The following PRIM2 variants were observed in gnomAD, a reference collection of about 807,000 sequenced individuals.
PRIM2 encodes the protein DNA primase subunit 2.
In PRIM2, 39 loss-of-function variants were observed where a neutral mutation model predicts 67.3. The observed-to-expected ratio is 0.58, with a 90% CI of 0.45 to 0.76. PRIM2 has a LOEUF of 0.76. Among genes scored for constraint, PRIM2 ranks in the 30% least tolerant of loss-of-function variants. PRIM2 has a pLI of 0.00. For missense variants in PRIM2, 398 were observed against 598.7 expected (o/e 0.66, Z 3.50); for synonymous variants, 143 against 198.7 (o/e 0.72, Z 2.36).
chr6:57,645,368 C>CAT, intron 13 of PRIM2, among the ~76,000 whole-genome samples: 1 of 127,134 alleles, frequency 7.9e-6, no homozygotes, highest in South Asian at 2.4e-4. Flanking sequence ...CACACACACA[C>CAT]ACATTTGTAT....
intron 5 of PRIM2, chr6:57,326,274 C>G (rs1581792297): frequency 5.2e-6 from 2 of 381,178 alleles, no homozygotes; most frequent in Non-Finnish European, 4.5e-6. Context: ...TAAATGTGTG[C>G]TTTATTAAAG....
At chr6:57,383,380 G>A (rs537709635) in intron 7 of PRIM2, 1 of 152,038 alleles carries the variant, frequency 6.6e-6, no homozygotes, top group Non-Finnish European at 1.5e-5. Flanking sequence ...TTAAATGCTG[G>A]TGGTGGACCC....
chr6:57,442,357 C>T (rs1272282902), intron 7 of PRIM2, among the ~76,000 whole-genome samples: 1 of 152,008 alleles, frequency 6.6e-6, no homozygotes, highest in East Asian at 1.9e-4. Flanking sequence ...AGACACAGCT[C>T]ATGGCACAGG....
intron 10 of PRIM2, among the ~76,000 whole-genome samples, chr6:57,541,258 T>C (rs1775144922): frequency 6.6e-6 from 1 of 152,152 alleles, no homozygotes; most frequent in African/African-American, 2.4e-5. Flanking sequence ...TCTTTCTCTT[T>C]TTGTATTTTT....
At chr6:57,353,390 T>C (rs1458143679) in intron 5 of PRIM2, among the ~76,000 whole-genome samples, 2 of 152,222 alleles carry the variant, frequency 1.3e-5, no homozygotes, top group Non-Finnish European at 2.9e-5. Context: ...TTGCAATTTG[T>C]GTTTAGAAAG....
At chr6:57,323,842 G>A (rs1386217727) in intron 3 of PRIM2, among the ~76,000 whole-genome samples, 2 of 152,016 alleles carry the variant, frequency 1.3e-5, no homozygotes, top group East Asian at 3.9e-4. Context: ...TGTAATTCTA[G>A]TGCTTTGAGG....
At chr6:57,585,023 A>G (rs1392169876) in intron 10 of PRIM2, among the ~76,000 whole-genome samples, 50 of 152,300 alleles carry the variant, frequency 3.3e-4, no homozygotes, top group African/African-American at 1.1e-3. Context: ...TATTTAATAC[A>G]CCATAGGAGG....
At chr6:57,418,839 A>G (rs1460135659) in intron 7 of PRIM2, among the ~76,000 whole-genome samples, 2 of 152,184 alleles carry the variant, frequency 1.3e-5, no homozygotes, top group African/African-American at 2.4e-5. Context: ...TAGATTAATT[A>G]TCTGCTTGCC....
intron 5 of PRIM2, among the ~76,000 whole-genome samples, chr6:57,374,428 G>A (rs1420990703): frequency 6.7e-6 from 1 of 149,578 alleles, no homozygotes; most frequent in Admixed American, 6.7e-5. Context: ...CGTGTAGCTG[G>A]GACTACAGGC....
Position 57,383,658 on chromosome 6 carries a change from C to A in PRIM2, c.693+1490C>A, listed in dbSNP as rs1770039750. Reference sequence around the variant, plus strand: ...ATATTGTTGTAACTGAATGTGATGCCTGGAAGAGCTACAGCCATCTAGAGA... The same window carrying A: ...ATATTGTTGTAACTGAATGTGATGCATGGAAGAGCTACAGCCATCTAGAGA... On this transcript the variant is annotated intron_variant, in intron 7 of 13. Transcript: ENST00000615550. The A allele has an allele frequency of 2.0e-5, 3 of 151,194 alleles. No individual in the cohort carries two copies. In the South Asian group the frequency reaches 6.3e-4, roughly 32 times the overall value. The allele number at this position is 151,194 out of a possible 1,614,324, so 9.4% of individuals were successfully genotyped here.
At chr6:57,544,789 G>A (rs1227380249) in intron 10 of PRIM2, among the ~76,000 whole-genome samples, 12 of 152,060 alleles carry the variant, frequency 7.9e-5, no homozygotes, top group African/African-American at 2.4e-4. Flanking sequence ...TGCATGTTCA[G>A]GCACCTAGAA....
chr6:57,589,621 A>G (rs1354529283), intron 10 of PRIM2, among the ~76,000 whole-genome samples: 1 of 152,208 alleles, frequency 6.6e-6, no homozygotes, highest in Non-Finnish European at 1.5e-5. Flanking sequence ...AAATAAGCAG[A>G]CCGCTGTGCA....
chr6:57,383,257 T>C (rs1036500103), intron 7 of PRIM2: 3 of 152,038 alleles, frequency 2.0e-5, no homozygotes, highest in African/African-American at 7.2e-5. Context: ...TGCTCTTTTA[T>C]TATTCTTAGT....
At chr6:57,296,726 A>G in the PRIM2 span, among the ~76,000 whole-genome samples, 1 of 152,112 alleles carries the variant, frequency 6.6e-6, no homozygotes, top group East Asian at 1.9e-4. Context: ...AATCAACACT[A>G]CTGTACCAAC....
intron 13 of PRIM2, among the ~76,000 whole-genome samples, chr6:57,638,646 C>G (rs1777168752): frequency 8.3e-6 from 1 of 120,530 alleles, no homozygotes; most frequent in African/African-American, 3.2e-5. Context: ...TTAAAACCAA[C>G]AAAGATCAAA....
chr6:57,601,228 C>T lies in PRIM2; in HGVS notation c.1147+9C>T. On this transcript the variant is annotated intron_variant, in intron 11 of 13. Coordinates refer to ENST00000615550, the MANE Select transcript of PRIM2 (RefSeq NM_000947.5). ...CCAAGGGGATTATCATGGTAAGTGCCTCCACTGGATATGTTGGCCAAGTAC... is the reference window on the plus strand; with the variant it reads ...CCAAGGGGATTATCATGGTAAGTGCTTCCACTGGATATGTTGGCCAAGTAC... The T allele has an allele frequency of 6.3e-7, 1 of 1,595,660 alleles. No homozygotes were observed. Among genetic ancestry groups the T allele is most frequent in the Non-Finnish European group, 8.5e-7 (1 of 1,173,270 alleles).
At chr6:57,241,688 AT>A in the PRIM2 span, among the ~76,000 whole-genome samples, 263 of 119,074 alleles carry the variant, frequency 2.2e-3, 1 homozygote, top group Admixed American at 4.3e-3. Flanking sequence ...AGAACTATGT[AT>A]TTTTTTTTTT....
intron 10 of PRIM2, among the ~76,000 whole-genome samples, chr6:57,586,776 G>A (rs1582005903): frequency 6.6e-6 from 1 of 152,196 alleles, no homozygotes; most frequent in African/African-American, 2.4e-5. Flanking sequence ...CTCTGTGGAT[G>A]AATAGTCTTG....
intron 13 of PRIM2, among the ~76,000 whole-genome samples, chr6:57,642,631 C>T (rs1384546357): frequency 4.0e-5 from 6 of 151,348 alleles, no homozygotes; most frequent in African/African-American, 1.2e-4. Context: ...TTAGTAGAGA[C>T]GGGGTTTCAC....
Sources: gnomAD v4.1 joint callset for allele counts (sites outside exome capture counted in the v4.1 genomes callset) on GRCh38, gnomAD v4.1.1 for gene constraint, MANE v1.5 for transcripts, NCBI Gene and HGNC (gene_info 2026-07-23, HGNC 2026-07-21) for gene names.